The following RAB6A variants were observed in gnomAD, a reference collection of about 807,000 sequenced individuals.
RAB6A encodes RAB6A, member RAS oncogene family, also known as ras-related protein Rab-6A.
A neutral mutation model predicts 32.3 loss-of-function variants in RAB6A; 8 were observed. The ratio of observed to expected loss-of-function variants is 0.25; its 90% CI spans 0.15 to 0.45. The LOEUF (loss-of-function observed/expected upper bound fraction) is 0.45. RAB6A is among the 20% of genes least tolerant of loss of function. The pLI is 1.00. For missense variants in RAB6A, 104 were observed against 249.4 expected, an observed-to-expected ratio of 0.42 and a Z score of 3.93; for synonymous variants, 73 against 82.1, an observed-to-expected ratio of 0.89 and a Z score of 0.60.
intron 6 of RAB6A, among the ~76,000 whole-genome samples, chr11:73,706,386 C>G (rs1316612363): frequency 6.6e-6 from 1 of 151,922 alleles, no homozygotes; most frequent in Non-Finnish European, 1.5e-5. Flanking sequence ...GTGATGCAGG[C>G]ACCTGTAGTC....
chr11:73,705,866 A>G (rs930218706), intron 6 of RAB6A, among the ~76,000 whole-genome samples: 5 of 152,132 alleles, frequency 3.3e-5, no homozygotes, highest in South Asian at 2.1e-4. Context: ...GTGAAAACAC[A>G]TAAGAGAATC....
At chr11:73,752,600 A>G (rs931383014) in intron 1 of RAB6A, among the ~76,000 whole-genome samples, 1 of 152,144 alleles carries the variant, frequency 6.6e-6, no homozygotes, top group East Asian at 1.9e-4. Context: ...GGCAGATCGC[A>G]TGAGCTCAGG....
At chr11:73,747,376 CATTTTTAGTAGAGACCATGT>C (rs1214738626) in intron 1 of RAB6A, among the ~76,000 whole-genome samples, 2 of 151,774 alleles carry the variant, frequency 1.3e-5, no homozygotes, top group Non-Finnish European at 2.9e-5. Context: ...CTACTCTTTG[CATTTTTAGTAGAGACCATGT>C]TGGCCAGGCT....
intron 6 of RAB6A, among the ~76,000 whole-genome samples, chr11:73,698,202 C>G (rs187129086): frequency 1.9e-3 from 296 of 152,194 alleles, no homozygotes; most frequent in African/African-American, 6.9e-3. Flanking sequence ...GCCTGGGTGA[C>G]AGAGTGAGAC....
intron 2 of RAB6A, among the ~76,000 whole-genome samples, chr11:73,727,692 G>C (rs1176469641): frequency 6.6e-6 from 1 of 152,116 alleles, no homozygotes; most frequent in African/African-American, 2.4e-5. Context: ...CCATATTCCT[G>C]AAATAAATAC....
chr11:73,713,589 CTG>C (rs1189927485), intron 5 of RAB6A, among the ~76,000 whole-genome samples: 17 of 151,324 alleles, frequency 1.1e-4, no homozygotes, highest in African/African-American at 3.9e-4. Flanking sequence ...AAAGAAAATA[CTG>C]TGTGCATTTA....
chr11:73,725,702 A>T (rs1946206563), intron 2 of RAB6A, among the ~76,000 whole-genome samples: 1 of 152,204 alleles, frequency 6.6e-6, no homozygotes, highest in Non-Finnish European at 1.5e-5. Context: ...CTCTCCCACA[A>T]CATGTGGGAA....
At chr11:73,692,481 C>G (rs1258987627) in intron 6 of RAB6A, among the ~76,000 whole-genome samples, 3 of 117,260 alleles carry the variant, frequency 2.6e-5, no homozygotes, top group African/African-American at 3.4e-5. Context: ...CCGGCCTGAG[C>G]GACAGAGTGA....
chr11:73,742,143 G>A (rs573643427), intron 1 of RAB6A, among the ~76,000 whole-genome samples: 331 of 152,174 alleles, frequency 2.2e-3, no homozygotes, highest in Non-Finnish European at 3.5e-3. Flanking sequence ...TTAGCTGGGT[G>A]TGGTGGTGGG....
Position 73,752,856 on chromosome 11 carries a change from AAAT to A in RAB6A, c.70+7707_70+7709del, listed in dbSNP as rs1231213870. 4.6e-5 allele frequency among the ~76,000 whole-genome samples: 7 copies of A among 152,198 alleles called. No homozygotes were observed. The East Asian group carries it at 1.4e-3, about 29-fold the overall frequency. On this transcript the variant is annotated intron_variant, in intron 1 of 7. Coordinates refer to ENST00000336083, the MANE Select transcript of RAB6A (RefSeq NM_198896.2). ...AAAAAATTAAAATGATAGCAGAAAA[AAAT>A]AATAAAAAAATGGAAGAAAGTTGAG...
chr11:73,726,284 CAAAA>C (rs1268493545), intron 2 of RAB6A, among the ~76,000 whole-genome samples: 1 of 50,992 alleles, frequency 2.0e-5, no homozygotes, highest in Admixed American at 2.2e-4. Flanking sequence ...GACTCCGTCT[CAAAA>C]AAAAAAAAAA....
intron 6 of RAB6A, among the ~76,000 whole-genome samples, chr11:73,696,100 A>G (rs1302323346): frequency 1.3e-5 from 2 of 152,240 alleles, no homozygotes; most frequent in African/African-American, 2.4e-5. Flanking sequence ...ACCAACTTAC[A>G]GAAAAAATTC....
intron 1 of RAB6A, among the ~76,000 whole-genome samples, chr11:73,738,836 T>C (rs947681449): frequency 6.6e-6 from 1 of 150,636 alleles, no homozygotes; most frequent in African/African-American, 2.4e-5. Context: ...CCCAGTTACT[T>C]GAGAGGCTGA....
At chr11:73,691,058 C>A (rs1945551832) in intron 6 of RAB6A, among the ~76,000 whole-genome samples, 1 of 152,020 alleles carries the variant, frequency 6.6e-6, no homozygotes, top group African/African-American at 2.4e-5. Flanking sequence ...AGCTCAGGCC[C>A]TGGGCCTTAG....
chr11:73,754,916 T>TTTA (rs963723099), intron 1 of RAB6A, among the ~76,000 whole-genome samples: 20 of 150,710 alleles, frequency 1.3e-4, no homozygotes, highest in Admixed American at 9.3e-4. Context: ...ATGCAATGGG[T>TTTA]TTATTATTAT....
In RAB6A at chr11:73,760,030, A is replaced by G. The variant is rs114102556; in HGVS notation, c.70+536T>C. 1.0e-4 allele frequency: 134 copies of G among 1,288,826 alleles called. 1 individual carries two copies. The African/African-American group carries it at 1.6e-3, about 16-fold the overall frequency. 79.8% of individuals were successfully genotyped at this position (1,288,826 alleles called of 1,614,324 possible). On this transcript the variant is annotated intron_variant, in intron 1 of 7. Coordinates refer to ENST00000336083, the MANE Select transcript of RAB6A (RefSeq NM_198896.2). Reference sequence around the variant, plus strand: ...AGGTGAAAATCATTTAATTTTTTCTACTACCACCCCTTCCCACCTTCCACG... The same window carrying G: ...AGGTGAAAATCATTTAATTTTTTCTGCTACCACCCCTTCCCACCTTCCACG...
At chr11:73,739,256 TAA>T (rs1217597577) in intron 1 of RAB6A, among the ~76,000 whole-genome samples, 3 of 26,272 alleles carry the variant, frequency 1.1e-4, no homozygotes, top group South Asian at 1.3e-3. Flanking sequence ...AAAATAGTAA[TAA>T]TAATTAAAAA....
At chr11:73,759,204 A>G (rs373045026) in intron 1 of RAB6A, among the ~76,000 whole-genome samples, 3 of 152,214 alleles carry the variant, frequency 2.0e-5, no homozygotes, top group East Asian at 3.8e-4. Flanking sequence ...TAGGTACTCA[A>G]TGTTTGATGA....
Position 73,718,853 on chromosome 11 carries a change from C to A in RAB6A, c.184-135G>T, listed in dbSNP as rs1257317338. 1.9e-6 allele frequency: 3 copies of A among 1,611,318 alleles called. No individual in the cohort carries two copies. The South Asian group carries it at 3.3e-5, about 18-fold the overall frequency. The stretch of plus-strand genomic sequence containing the variant: ...GTAACTGGGAATGAGGCTACGGAAA[C>A]GTTCCTGACCCGCAGTATCCCACAG... On this transcript the variant is annotated intron_variant, in intron 3 of 7. Coordinates refer to ENST00000336083, the MANE Select transcript of RAB6A (RefSeq NM_198896.2).
Sources: gnomAD v4.1 joint callset for allele counts (sites outside exome capture counted in the v4.1 genomes callset) on GRCh38, gnomAD v4.1.1 for gene constraint, MANE v1.5 for transcripts, NCBI Gene and HGNC (gene_info 2026-07-23, HGNC 2026-07-21) for gene names.